The following OSBPL10 variants were observed in gnomAD, a reference collection of about 807,000 sequenced individuals.
OSBPL10 encodes the protein oxysterol binding protein like 10.
In OSBPL10, 49 loss-of-function variants were observed where a neutral mutation model predicts 81.7. The observed-to-expected ratio is 0.60, with a 90% CI of 0.48 to 0.76. The LOEUF (loss-of-function observed/expected upper bound fraction) is 0.76. Ranked by LOEUF, OSBPL10 falls within the 30% of genes least tolerant of loss-of-function variation. The pLI is 0.00. For synonymous variants in OSBPL10, 419 were observed against 383.6 expected (o/e 1.09, Z -1.08); for missense variants, 923 against 987.8 (o/e 0.93, Z 0.88).
At chr3:31,742,712 T>A (rs908645079) in intron 5 of OSBPL10, among the ~76,000 whole-genome samples, 1 of 152,064 alleles carries the variant, frequency 6.6e-6, no homozygotes, top group African/African-American at 2.4e-5. Context: ...TGCAAGCAAA[T>A]AGCAAATCAA....
chr3:31,909,916 G>A (rs1472972246), intron 1 of OSBPL10, among the ~76,000 whole-genome samples: 1 of 151,304 alleles, frequency 6.6e-6, no homozygotes, highest in Non-Finnish European at 1.5e-5. Context: ...CTAAATCCTG[G>A]AGCACCAAGA....
intron 6 of OSBPL10, among the ~76,000 whole-genome samples, chr3:31,719,973 C>T (rs7652929): frequency 0.092 from 13,861 of 150,758 alleles, 1,566 homozygotes; most frequent in African/African-American, 0.27. Context: ...GATATATTGT[C>T]TAATTGACAA....
intron 4 of OSBPL10, among the ~76,000 whole-genome samples, chr3:31,812,059 C>A (rs1037566068): frequency 6.6e-6 from 1 of 152,118 alleles, no homozygotes; most frequent in African/African-American, 2.4e-5. Context: ...CAGAGTCTTG[C>A]TCTTGTTGCC....
intron 4 of OSBPL10, among the ~76,000 whole-genome samples, chr3:31,787,327 G>T (rs1698883652): frequency 6.6e-6 from 1 of 152,178 alleles, no homozygotes; most frequent in South Asian, 2.1e-4. Context: ...GGCTGGGCAT[G>T]GTGGCTCATG....
intron 7 of OSBPL10, among the ~76,000 whole-genome samples, chr3:31,698,220 C>A (rs1316415274): frequency 6.6e-6 from 1 of 151,878 alleles, no homozygotes; most frequent in African/African-American, 2.4e-5. Flanking sequence ...GAGGCCAAGG[C>A]AGGTGGATCA....
intron 3 of OSBPL10, among the ~76,000 whole-genome samples, chr3:31,871,289 A>G (rs925434160): frequency 6.6e-6 from 1 of 152,080 alleles, no homozygotes; most frequent in African/African-American, 2.4e-5. Flanking sequence ...GGAGGAAGGA[A>G]CAACTCCAGA....
intron 2 of OSBPL10, among the ~76,000 whole-genome samples, chr3:31,988,457 T>C (rs1481667318): frequency 6.6e-6 from 1 of 152,228 alleles, no homozygotes; most frequent in Non-Finnish European, 1.5e-5. Context: ...GCTATGCCTA[T>C]AGATTCCTCT....
intron 1 of OSBPL10, among the ~76,000 whole-genome samples, chr3:32,060,222 T>A (rs1265049686): frequency 6.6e-6 from 1 of 152,192 alleles, no homozygotes; most frequent in Non-Finnish European, 1.5e-5. Flanking sequence ...TCAAATAATT[T>A]TAAAACAAAC....
chr3:32,069,727 GC>G, intron 1 of OSBPL10, among the ~76,000 whole-genome samples: 1 of 152,340 alleles, frequency 6.6e-6, no homozygotes, highest in African/African-American at 2.4e-5. Flanking sequence ...AGAGGCGGTA[GC>G]CAGACAGCAA....
chr3:32,038,458 A>T (rs984025786), intron 2 of OSBPL10, among the ~76,000 whole-genome samples: 8 of 152,122 alleles, frequency 5.3e-5, no homozygotes, highest in African/African-American at 1.2e-4. Flanking sequence ...AGTAGCTGGG[A>T]TTACAGGCGT....
chr3:32,048,298 G>C (rs532738332), intron 1 of OSBPL10, among the ~76,000 whole-genome samples: 2 of 137,894 alleles, frequency 1.5e-5, no homozygotes, highest in African/African-American at 5.3e-5. Context: ...ATCTCTCCTA[G>C]ACACTACTAC....
intron 5 of OSBPL10, among the ~76,000 whole-genome samples, chr3:31,742,378 C>T (rs151153578): frequency 2.0e-5 from 3 of 152,322 alleles, no homozygotes; most frequent in South Asian, 4.1e-4. Flanking sequence ...AACTGACACT[C>T]CCCGCAAATC....
chr3:31,837,454 AAG>A (rs1700388891), intron 3 of OSBPL10, among the ~76,000 whole-genome samples: 1 of 150,132 alleles, frequency 6.7e-6, no homozygotes, highest in Non-Finnish European at 1.5e-5. Context: ...AAGGAATAAA[AAG>A]AAATTTTCTT....
At chr3:31,857,145 G>C (rs952502111) in intron 3 of OSBPL10, among the ~76,000 whole-genome samples, 4 of 152,160 alleles carry the variant, frequency 2.6e-5, no homozygotes, top group Non-Finnish European at 4.4e-5. Flanking sequence ...GAGAAGCTCT[G>C]CTTACAGAAC....
intron 4 of OSBPL10, among the ~76,000 whole-genome samples, chr3:31,766,052 GCTCAA>G (rs1475127285): frequency 6.6e-6 from 1 of 152,014 alleles, no homozygotes; most frequent in African/African-American, 2.4e-5. Flanking sequence ...TCCTCTTCTT[GCTCAA>G]CTCAACTTCC....
chr3:31,869,219 A>C (rs982600026), intron 3 of OSBPL10, among the ~76,000 whole-genome samples: 12 of 149,078 alleles, frequency 8.0e-5, no homozygotes, highest in African/African-American at 2.9e-4. Context: ...GAGGTTCAGA[A>C]AGTACAAAAA....
At chr3:31,763,750 A>G (rs764319789) in intron 4 of OSBPL10, among the ~76,000 whole-genome samples, 6 of 152,230 alleles carry the variant, frequency 3.9e-5, no homozygotes, top group Admixed American at 6.5e-5. Context: ...TTTTCAGGAA[A>G]GAAATGCATC....
intron 1 of OSBPL10, among the ~76,000 whole-genome samples, chr3:31,904,833 C>T (rs1404755805): frequency 6.6e-6 from 1 of 152,136 alleles, no homozygotes; most frequent in Non-Finnish European, 1.5e-5. Flanking sequence ...GGTGTTTGGC[C>T]AGCGAGTTCA....
At chr3:32,002,553 G>A (rs1268613365) in intron 2 of OSBPL10, among the ~76,000 whole-genome samples, 2 of 152,144 alleles carry the variant, frequency 1.3e-5, no homozygotes, top group Non-Finnish European at 2.9e-5. Context: ...GGAATACTGT[G>A]TCCAAAAACC....
Sources: gnomAD v4.1 joint callset for allele counts (sites outside exome capture counted in the v4.1 genomes callset) on GRCh38, gnomAD v4.1.1 for gene constraint, MANE v1.5 for transcripts, NCBI Gene and HGNC (gene_info 2026-07-23, HGNC 2026-07-21) for gene names.